SIPA1L3: variants seen among roughly 807,000 people sequenced by gnomAD.
SIPA1L3 encodes signal induced proliferation associated 1 like 3.
SIPA1L3 carries 59 observed loss-of-function variants against 150.1 expected under a neutral mutation model. That is an observed-to-expected ratio of 0.39 (90% CI 0.32 to 0.49). The LOEUF is 0.49. Ranked by LOEUF, SIPA1L3 falls within the 20% of genes least tolerant of loss-of-function variation. The pLI is 0.86. For missense variants in SIPA1L3, 2,211 were observed against 2,489.5 expected, an observed-to-expected ratio of 0.89 and a Z score of 2.38; for synonymous variants, 1,070 against 1,077.6, an observed-to-expected ratio of 0.99 and a Z score of 0.14.
At chr19:37,917,949 G>C (rs1568462998) in intron 1 of SIPA1L3, among the ~76,000 whole-genome samples, 1 of 151,988 alleles carries the variant, frequency 6.6e-6, no homozygotes, top group Non-Finnish European at 1.5e-5. Context: ...AGGCTGCAGT[G>C]AGCCGTGATT....
At chr19:38,078,542 A>G (rs1042321963) in intron 2 of SIPA1L3, among the ~76,000 whole-genome samples, 1 of 150,296 alleles carries the variant, frequency 6.7e-6, no homozygotes, top group East Asian at 1.9e-4. Flanking sequence ...ACAGACACGC[A>G]CACACACAGA....
chr19:38,182,934 T>G (rs1477073899), intron 16 of SIPA1L3, 194 bp downstream of exon 16: 5 of 553,858 alleles, frequency 9.0e-6, no homozygotes, highest in Non-Finnish European at 1.6e-5. Flanking sequence ...CCATTTGGGG[T>G]GACCAACAAT....
At chr19:38,199,076 A>C (rs1266976142) in intron 19 of SIPA1L3, among the ~76,000 whole-genome samples, 1 of 152,214 alleles carries the variant, frequency 6.6e-6, no homozygotes, top group African/African-American at 2.4e-5. Context: ...AAGACCTTGC[A>C]TCCTGGGTTG....
intron 13 of SIPA1L3, among the ~76,000 whole-genome samples, chr19:38,160,434 G>A (rs978032509): frequency 8.3e-5 from 12 of 145,244 alleles, no homozygotes; most frequent in Non-Finnish European, 1.4e-4. Context: ...ACGGAGTCTC[G>A]CTTAGTCTCC....
chr19:38,111,050 G>T (rs1224103963), intron 8 of SIPA1L3, among the ~76,000 whole-genome samples: 1 of 149,842 alleles, frequency 6.7e-6, no homozygotes, highest in African/African-American at 2.5e-5. Flanking sequence ...TTAAGACAGG[G>T]TCTCACTCTG....
At position 38,081,346 on chromosome 19, in the gene SIPA1L3, C is replaced by A. The variant is rs1969973161; in HGVS notation, c.-220C>A. On this transcript the variant is annotated 5_prime_UTR_variant, in exon 3 of 22. Coordinates refer to ENST00000222345, the MANE Select transcript of SIPA1L3 (RefSeq NM_015073.3). ...GCTACTGAGCCACTCGGTCTGGAGC[C>A]CCCAGGACAGCACCTGCTTCCTGAG... 7.3e-6 allele frequency: 4 copies of A among 547,308 alleles called. No homozygotes were observed. Among genetic ancestry groups the A allele is most frequent in the Non-Finnish European group, 9.7e-6 (3 of 309,984 alleles). 33.9% of individuals were successfully genotyped at this position (547,308 alleles called of 1,614,324 possible). A position where few individuals can be genotyped will look rare whatever the true frequency, so the allele number is the denominator to read the frequency against.
At chr19:37,971,813 C>T (rs993103821) in intron 1 of SIPA1L3, among the ~76,000 whole-genome samples, 16 of 151,818 alleles carry the variant, frequency 1.1e-4, no homozygotes, top group African/African-American at 1.5e-4. Context: ...GCAATCCGCC[C>T]GCCTCAGCCT....
intron 18 of SIPA1L3, among the ~76,000 whole-genome samples, chr19:38,197,594 A>G (rs1474564022): frequency 6.6e-6 from 1 of 151,450 alleles, no homozygotes; most frequent in East Asian, 2.0e-4. Flanking sequence ...CCGTCCCACC[A>G]TCTCCTTGGA....
At chr19:38,202,369 CT>C (rs768198206) in intron 20 of SIPA1L3, among the ~76,000 whole-genome samples, 2 of 152,132 alleles carry the variant, frequency 1.3e-5, no homozygotes, top group Non-Finnish European at 2.9e-5. Flanking sequence ...GGGTGGATCA[CT>C]TGAGGTCAGG....
intron 1 of SIPA1L3, among the ~76,000 whole-genome samples, chr19:38,020,692 C>A (rs1385602173): frequency 6.6e-6 from 1 of 152,216 alleles, no homozygotes. Context: ...AGAAGCTATT[C>A]TCTCTTCAGG....
At chr19:38,142,445 C>CG in intron 11 of SIPA1L3, 128 bp from the exon 12 acceptor site, 1 of 1,023,420 alleles carries the variant, frequency 9.8e-7, no homozygotes, top group Non-Finnish European at 1.4e-6. Flanking sequence ...TGTGGCTGGG[C>CG]GGGGGAAAGT....
At chr19:38,002,559 C>G (rs538352632) in intron 1 of SIPA1L3, among the ~76,000 whole-genome samples, 1 of 151,034 alleles carries the variant, frequency 6.6e-6, no homozygotes, top group Non-Finnish European at 1.5e-5. Context: ...ATGGTGAAAC[C>G]CTGTCGGTAC....
In SIPA1L3 at chr19:37,907,214, C is replaced by T. The variant is rs1411710528; in HGVS notation, c.-523C>T. On this transcript the variant is annotated 5_prime_UTR_variant, in exon 1 of 22. Coordinates refer to ENST00000222345, the MANE Select transcript of SIPA1L3 (RefSeq NM_015073.3). ...GGCCGGCTAGGGCGAAACTACAGTT[C>T]CCAGGAGGACTCGCGCGAAGCGGCT... The T allele has an allele frequency of 3.9e-5, 6 of 152,544 alleles. No individual in the cohort carries two copies. Among genetic ancestry groups the T allele is most frequent in the Non-Finnish European group, 7.3e-5 (5 of 68,130 alleles). 9.4% of individuals were successfully genotyped at this position (152,544 alleles called of 1,614,324 possible).
intron 1 of SIPA1L3, among the ~76,000 whole-genome samples, chr19:37,967,965 G>A (rs2046919295): frequency 1.3e-5 from 2 of 150,508 alleles, no homozygotes; most frequent in African/African-American, 2.4e-5. Context: ...AGCCACTTAC[G>A]TTATTGATTC....
intron 1 of SIPA1L3, among the ~76,000 whole-genome samples, chr19:38,000,896 A>ATATATATATAACATATATATATGT (rs1307751470): frequency 1.5e-4 from 3 of 19,606 alleles, no homozygotes; most frequent in African/African-American, 8.9e-4. Flanking sequence ...TATATATGTT[A>ATATATATATAACATATATATATGT]TATATATATA....
rs752763059 is a variant in SIPA1L3 at position 38,106,647 on chromosome 19, G to A, written c.2133+7G>A. The A allele has an allele frequency of 6.3e-7, 1 of 1,599,410 alleles. No homozygotes were observed. Among genetic ancestry groups the A allele is most frequent in the South Asian group, 1.1e-5 (1 of 90,794 alleles). On this transcript the variant is annotated splice_region_variant and intron_variant, in intron 7 of 21. Transcript: ENST00000222345. ...CCCCAACAACAGGCAGCAGGTCAGTGATTTTCAGCAGAGGCACGGCTGCCG... is the reference window on the plus strand; with the variant it reads ...CCCCAACAACAGGCAGCAGGTCAGTAATTTTCAGCAGAGGCACGGCTGCCG...
At chr19:37,994,820 C>T (rs1967592959) in intron 1 of SIPA1L3, among the ~76,000 whole-genome samples, 1 of 152,214 alleles carries the variant, frequency 6.6e-6, no homozygotes, top group Admixed American at 6.5e-5. Flanking sequence ...CTGCAGGTAA[C>T]AAGACGTCTG....
chr19:38,174,606 T>C (rs1042441990), intron 15 of SIPA1L3, among the ~76,000 whole-genome samples: 3 of 152,030 alleles, frequency 2.0e-5, no homozygotes, highest in Non-Finnish European at 4.4e-5. Flanking sequence ...TCCCAGCACT[T>C]TGGGAGGCCG....
At chr19:38,005,092 C>T (rs765206843) in intron 1 of SIPA1L3, among the ~76,000 whole-genome samples, 1 of 152,030 alleles carries the variant, frequency 6.6e-6, no homozygotes, top group Non-Finnish European at 1.5e-5. Context: ...CAGATGTCCC[C>T]CACCCACCCC....
Sources: allele counts gnomAD v4.1 joint callset (sites outside exome capture counted in the v4.1 genomes callset), GRCh38; gene constraint gnomAD v4.1.1; transcripts MANE v1.5; gene names NCBI Gene and HGNC (gene_info 2026-07-23, HGNC 2026-07-21).